Variants in SNTG1 observed in about 807,000 individuals in gnomAD.
SNTG1 encodes the protein gamma-1-syntrophin.
Under a neutral mutation model 74.7 loss-of-function variants are expected in SNTG1, and 39 were observed. The observed-to-expected ratio is 0.52, with a 90% confidence interval of 0.40 to 0.68. The LOEUF is 0.68. SNTG1 is among the 30% of genes least tolerant of loss of function. The pLI, the probability that SNTG1 is intolerant of heterozygous loss-of-function variation, is 0.00. For synonymous variants in SNTG1, 254 were observed against 217.1 expected, an observed-to-expected ratio of 1.17 and a Z score of -1.49; for missense variants, 685 against 609.5, an observed-to-expected ratio of 1.12 and a Z score of -1.30.
At chr8:50,625,756 C>T (rs1172101793) in intron 13 of SNTG1, among the ~76,000 whole-genome samples, 1 of 152,174 alleles carries the variant, frequency 6.6e-6, no homozygotes, top group Non-Finnish European at 1.5e-5. Context: ...ATATTCCCAA[C>T]TTTGTAGCAA....
chr8:50,192,816 T>C (rs1001022756), intron 2 of SNTG1, among the ~76,000 whole-genome samples: 1 of 152,158 alleles, frequency 6.6e-6, no homozygotes, highest in African/African-American at 2.4e-5. Context: ...CATCTTGAGT[T>C]GATTTTTGTA....
chr8:50,507,948 A>G (rs1198623819), intron 9 of SNTG1, among the ~76,000 whole-genome samples: 1 of 147,908 alleles, frequency 6.8e-6, no homozygotes, highest in Non-Finnish European at 1.5e-5. Context: ...TTTAAGTTTT[A>G]GGGTACATGT....
At chr8:50,778,023 G>C (rs1439380543) in intron 18 of SNTG1, among the ~76,000 whole-genome samples, 1 of 152,066 alleles carries the variant, frequency 6.6e-6, no homozygotes, top group East Asian at 1.9e-4. Context: ...CCCTACAAAG[G>C]ACATGAACTC....
chr8:49,975,884 A>G (rs6989540), intron 1 of SNTG1, among the ~76,000 whole-genome samples: 7,444 of 152,064 alleles, frequency 0.049, 606 homozygotes, highest in African/African-American at 0.17. Context: ...CTTTTCTTCA[A>G]CATTTTTTCC....
At chr8:50,393,638 G>A (rs1007876796) in intron 2 of SNTG1, among the ~76,000 whole-genome samples, 1 of 152,074 alleles carries the variant, frequency 6.6e-6, no homozygotes, top group Non-Finnish European at 1.5e-5. Flanking sequence ...GACCATAGAT[G>A]AATCTATTTT....
At chr8:50,421,436 T>C (rs1042191756) in intron 4 of SNTG1, among the ~76,000 whole-genome samples, 9 of 152,132 alleles carry the variant, frequency 5.9e-5, no homozygotes, top group African/African-American at 2.2e-4. Context: ...CTGGTGGGAG[T>C]GTAGCAGTGA....
rs554803154 is a variant in SNTG1, at chr8:50,692,105, TC to T, written c.1039-12494del. 7.4e-4 allele frequency among the ~76,000 whole-genome samples: 112 copies of T among 152,266 alleles called. 4 individuals carry two copies. The South Asian group carries it at 0.023, about 32-fold the overall frequency. On this transcript the variant is annotated intron_variant, in intron 15 of 18. Coordinates refer to ENST00000642720, the MANE Select transcript of SNTG1 (RefSeq NM_018967.5). ...GCCTTGGTTTTCAGCTCCATCAGGT[TC>T]TTTAAGGACTTCTCTGCATTGGTTC...
intron 2 of SNTG1, among the ~76,000 whole-genome samples, chr8:50,294,924 G>A (rs907950633): frequency 1.3e-5 from 2 of 152,116 alleles, no homozygotes; most frequent in African/African-American, 4.8e-5. Flanking sequence ...ACCAGAGCCG[G>A]ACAACGAGCA....
intron 2 of SNTG1, among the ~76,000 whole-genome samples, chr8:50,195,893 T>A: frequency 6.6e-6 from 1 of 152,056 alleles, no homozygotes; most frequent in East Asian, 1.9e-4. Flanking sequence ...ACAATGAGAG[T>A]TTGCGCAAGC....
chr8:50,278,968 CAA>C (rs2088278565), intron 2 of SNTG1, among the ~76,000 whole-genome samples: 1 of 152,120 alleles, frequency 6.6e-6, no homozygotes, highest in African/African-American at 2.4e-5. Context: ...GTCATTGTTA[CAA>C]AGTTATAGAA....
At chr8:50,384,761 G>A (rs1386948922) in intron 2 of SNTG1, among the ~76,000 whole-genome samples, 1 of 152,134 alleles carries the variant, frequency 6.6e-6, no homozygotes, top group Non-Finnish European at 1.5e-5. Context: ...CTAAGAGAAA[G>A]AAGGTAATGG....
chr8:50,233,859 A>T lies in SNTG1; in HGVS notation c.-28+61224A>T, dbSNP rs946560776. ...TCATCCTAGCAATGTAATGTCCTACAATGTTAGGAGAGCTAAAGTAAAAGT... is the reference window on the plus strand; with the variant it reads ...TCATCCTAGCAATGTAATGTCCTACTATGTTAGGAGAGCTAAAGTAAAAGT... On this transcript the variant is annotated intron_variant, in intron 2 of 18. Coordinates refer to ENST00000642720, the MANE Select transcript of SNTG1 (RefSeq NM_018967.5). Among the ~76,000 whole-genome samples, 7 of 151,910 alleles carry T rather than the reference A, an allele frequency of 4.6e-5. No homozygotes were observed. The East Asian group carries it at 1.3e-3, about 29-fold the overall frequency.
intron 2 of SNTG1, among the ~76,000 whole-genome samples, chr8:50,228,570 A>G (rs1396999295): frequency 6.6e-6 from 1 of 151,984 alleles, no homozygotes; most frequent in Non-Finnish European, 1.5e-5. Flanking sequence ...AAGAATAAAA[A>G]TTACAAGAGA....
intron 12 of SNTG1, among the ~76,000 whole-genome samples, chr8:50,584,512 CTTTT>C (rs34546157): frequency 3.2e-5 from 4 of 126,776 alleles, no homozygotes; most frequent in Admixed American, 8.3e-5. Context: ...TTCTCTGATT[CTTTT>C]TTTTTTTTTT....
At chr8:50,387,461 G>A (rs1051456769) in intron 2 of SNTG1, among the ~76,000 whole-genome samples, 1 of 152,062 alleles carries the variant, frequency 6.6e-6, no homozygotes, top group African/African-American at 2.4e-5. Context: ...GTACCAAGGC[G>A]ATCCTGGCAT....
chr8:50,710,315 C>T lies in SNTG1; in HGVS notation c.1284+1337C>T, dbSNP rs369964788. Among the ~76,000 whole-genome samples the T allele has an allele frequency of 1.4e-4, 22 of 152,178 alleles. No individual in the cohort carries two copies. The East Asian group carries it at 2.1e-3, about 15-fold the overall frequency. On this transcript the variant is annotated intron_variant, in intron 17 of 18. Coordinates refer to ENST00000642720, the MANE Select transcript of SNTG1 (RefSeq NM_018967.5). ...AACTTTCAAATGAGGCTGCCATAAACTATTCCTATTACTAAAGTTTTTTTT... is the reference window on the plus strand; with the variant it reads ...AACTTTCAAATGAGGCTGCCATAAATTATTCCTATTACTAAAGTTTTTTTT...
intron 1 of SNTG1, among the ~76,000 whole-genome samples, chr8:49,953,808 C>A (rs538849388): frequency 6.6e-6 from 1 of 152,052 alleles, no homozygotes; most frequent in South Asian, 2.1e-4. Context: ...CAGTTTTGTG[C>A]AGATTCCGTT....
chr8:50,454,089 A>G (rs2093480502), intron 8 of SNTG1, among the ~76,000 whole-genome samples: 2 of 152,204 alleles, frequency 1.3e-5, no homozygotes, highest in African/African-American at 4.8e-5. Context: ...ATGTTAATTA[A>G]CACTGATGCT....
At chr8:50,349,260 A>C (rs1009720205) in intron 2 of SNTG1, among the ~76,000 whole-genome samples, 1 of 151,936 alleles carries the variant, frequency 6.6e-6, no homozygotes, top group Non-Finnish European at 1.5e-5. Context: ...GAATTGTGCT[A>C]GGTGCTAAGT....
Sources: gnomAD v4.1 joint callset for allele counts (sites outside exome capture counted in the v4.1 genomes callset) on GRCh38, gnomAD v4.1.1 for gene constraint, MANE v1.5 for transcripts, NCBI Gene and HGNC (gene_info 2026-07-23, HGNC 2026-07-21) for gene names.